Variants in EPHA5 observed in about 807,000 individuals in gnomAD.
The protein encoded by EPHA5 is ephrin type-A receptor 5.
A neutral mutation model predicts 105.0 loss-of-function variants in EPHA5; 60 were observed. The observed-to-expected ratio is 0.57, with a 90% confidence interval of 0.46 to 0.71. The LOEUF (loss-of-function observed/expected upper bound fraction) is 0.71. Ranked by LOEUF, EPHA5 falls within the 30% of genes least tolerant of loss-of-function variation. The probability of loss-of-function intolerance (pLI) is 0.00; values close to 1 mark genes in which losing one functional copy is unlikely to be tolerated. For synonymous variants in EPHA5, 513 were observed against 449.1 expected (o/e 1.14, Z -1.80); for missense variants, 1,218 against 1,274.7 (o/e 0.96, Z 0.68).
At chr4:65,579,838 A>G (rs1465047551) in intron 3 of EPHA5, among the ~76,000 whole-genome samples, 2 of 152,016 alleles carry the variant, frequency 1.3e-5, no homozygotes, top group Non-Finnish European at 2.9e-5. Context: ...CAATGTAAAC[A>G]TACACATCTA....
chr4:65,394,780 T>C (rs1326484970), intron 8 of EPHA5, among the ~76,000 whole-genome samples: 2 of 152,174 alleles, frequency 1.3e-5, no homozygotes, highest in African/African-American at 2.4e-5. Flanking sequence ...TGTGAGATAT[T>C]ACTTGTAAAA....
At chr4:65,425,341 A>T (rs1206626626) in intron 5 of EPHA5, among the ~76,000 whole-genome samples, 1 of 152,058 alleles carries the variant, frequency 6.6e-6, no homozygotes, top group Non-Finnish European at 1.5e-5. Flanking sequence ...GGAAGCCCCC[A>T]CTTCTCACTG....
chr4:65,594,207 A>C (rs184139914), intron 3 of EPHA5, among the ~76,000 whole-genome samples: 1 of 152,260 alleles, frequency 6.6e-6, no homozygotes, highest in Non-Finnish European at 1.5e-5. Context: ...TCTTCTCCTG[A>C]TAATTATCAT....
At chr4:65,448,791 A>G (rs2149102383) in intron 5 of EPHA5, among the ~76,000 whole-genome samples, 1 of 152,356 alleles carries the variant, frequency 6.6e-6, no homozygotes. Context: ...GTCATTACTC[A>G]TAAGAAAATG....
intron 3 of EPHA5, among the ~76,000 whole-genome samples, chr4:65,510,095 C>T (rs999958204): frequency 1.4e-5 from 2 of 145,166 alleles, no homozygotes; most frequent in South Asian, 4.3e-4. Flanking sequence ...AGTGCAATGG[C>T]GAGATCTCCC....
chr4:65,573,585 C>G, intron 3 of EPHA5: 6 of 1,598,562 alleles, frequency 3.8e-6, no homozygotes, highest in Non-Finnish European at 4.2e-6. Context: ...GGGGAAGCCC[C>G]GTTGCAGCCG....
At chr4:65,483,088 C>A (rs904427661) in intron 5 of EPHA5, among the ~76,000 whole-genome samples, 2 of 152,098 alleles carry the variant, frequency 1.3e-5, no homozygotes, top group East Asian at 3.9e-4. Context: ...TCAATTCCCA[C>A]CTATGAGTGA....
rs17082118 is a variant in EPHA5 at position 65,404,553 on chromosome 4, G to A, written c.1688-74C>T. 6.9e-3 allele frequency: 8,873 copies of A among 1,287,958 alleles called. 449 individuals carry two copies. The African/African-American group carries it at 0.11, about 16-fold the overall frequency. 79.8% of individuals were successfully genotyped at this position (1,287,958 alleles called of 1,614,324 possible). A position where few individuals can be genotyped will look rare whatever the true frequency, so the allele number is the denominator to read the frequency against. On this transcript the variant is annotated intron_variant, in intron 7 of 16. Coordinates refer to ENST00000613740, the MANE Select transcript of EPHA5 (RefSeq NM_001281766.3). ...CATTCAAAATAAAAGTTGCTTAATA[G>A]ACAGTAATCAATTCATGATTTAAGC...
At chr4:65,522,785 C>T (rs1444588370) in intron 3 of EPHA5, among the ~76,000 whole-genome samples, 2 of 152,108 alleles carry the variant, frequency 1.3e-5, no homozygotes, top group South Asian at 2.1e-4. Context: ...CCTTCATGAG[C>T]TCTTCACTTC....
At chr4:65,618,115 T>G (rs1745402022) in intron 2 of EPHA5, among the ~76,000 whole-genome samples, 1 of 152,112 alleles carries the variant, frequency 6.6e-6, no homozygotes, top group African/African-American at 2.4e-5. Context: ...AAATGTAAAG[T>G]TCAAACACTG....
chr4:65,465,279 A>G (rs1044609188), intron 5 of EPHA5, among the ~76,000 whole-genome samples: 7 of 151,740 alleles, frequency 4.6e-5, no homozygotes, highest in South Asian at 2.1e-4. Flanking sequence ...TACTAACAAT[A>G]CAAAAAATTA....
intron 3 of EPHA5, among the ~76,000 whole-genome samples, chr4:65,590,958 A>G (rs963985015): frequency 6.6e-6 from 1 of 152,108 alleles, no homozygotes; most frequent in Non-Finnish European, 1.5e-5. Context: ...CTGAAGTAAA[A>G]TACGATTCTA....
At chr4:65,419,647 G>C (rs909040719) in intron 6 of EPHA5, among the ~76,000 whole-genome samples, 1 of 152,108 alleles carries the variant, frequency 6.6e-6, no homozygotes, top group Non-Finnish European at 1.5e-5. Flanking sequence ...TTCAGGTCCA[G>C]CCAGTAGAAA....
Position 65,340,134 on chromosome 4 carries a change from T to C in EPHA5, c.2596-4009A>G, listed in dbSNP as rs540640152. 1.1e-4 allele frequency among the ~76,000 whole-genome samples: 16 copies of C among 152,270 alleles called. No homozygotes were observed. The East Asian group carries it at 3.1e-3, about 29-fold the overall frequency. On this transcript the variant is annotated intron_variant, in intron 14 of 16. Coordinates refer to ENST00000613740, the MANE Select transcript of EPHA5 (RefSeq NM_001281766.3). ...AGCTACTAACATGGTCTCATTCAAG[T>C]AGAAATATTCTAAAAATATGCTAGC...
intron 5 of EPHA5, among the ~76,000 whole-genome samples, chr4:65,456,709 A>G (rs2149120351): frequency 8.1e-6 from 1 of 123,428 alleles, no homozygotes; most frequent in Non-Finnish European, 1.7e-5. Flanking sequence ...GAAAAATCAT[A>G]CAAAATAAAC....
intron 3 of EPHA5, among the ~76,000 whole-genome samples, chr4:65,511,719 T>A (rs1030391609): frequency 1.3e-5 from 2 of 152,220 alleles, no homozygotes; most frequent in East Asian, 1.9e-4. Context: ...TAAACGACAT[T>A]TTTTAGGCAA....
At chr4:65,377,117 T>C in intron 8 of EPHA5, 2 of 1,546,474 alleles carry the variant, frequency 1.3e-6, no homozygotes, top group Non-Finnish European at 1.8e-6. Flanking sequence ...CTCCCTCAAA[T>C]ATAGCATAAA....
chr4:65,397,743 C>A (rs187410603), intron 8 of EPHA5, among the ~76,000 whole-genome samples: 1 of 152,236 alleles, frequency 6.6e-6, no homozygotes, highest in Admixed American at 6.5e-5. Context: ...ACGGGAGCCT[C>A]AGATGATGGC....
intron 5 of EPHA5, among the ~76,000 whole-genome samples, chr4:65,484,666 G>C (rs1229811676): frequency 1.3e-5 from 2 of 152,020 alleles, no homozygotes; most frequent in Non-Finnish European, 2.9e-5. Context: ...TGGTTTTCTG[G>C]TTAGAATGAG....
Sources: gnomAD v4.1 joint callset for allele counts (sites outside exome capture counted in the v4.1 genomes callset) on GRCh38, gnomAD v4.1.1 for gene constraint, MANE v1.5 for transcripts, NCBI Gene and HGNC (gene_info 2026-07-23, HGNC 2026-07-21) for gene names.